RANBP2: variants seen among roughly 807,000 people sequenced by gnomAD.
RANBP2 encodes E3 SUMO-protein ligase RanBP2.
Under a neutral mutation model 303.6 loss-of-function variants are expected in RANBP2, and 57 were observed. The ratio of observed to expected loss-of-function variants is 0.19; its 90% CI spans 0.15 to 0.23. The LOEUF is 0.23. Ranked by LOEUF, RANBP2 falls within the 10% of genes least tolerant of loss-of-function variation. The probability of loss-of-function intolerance (pLI) is 1.00; values close to 1 mark genes in which losing one functional copy is unlikely to be tolerated. For missense variants in RANBP2, 3,138 were observed against 3,780.8 expected, an observed-to-expected ratio of 0.83 and a Z score of 4.46; for synonymous variants, 1,167 against 1,301.5, an observed-to-expected ratio of 0.90 and a Z score of 2.23.
the RANBP2 span, among the ~76,000 whole-genome samples, chr2:109,352,576 A>C: frequency 3.3e-5 from 5 of 152,188 alleles, no homozygotes; most frequent in Admixed American, 2.6e-4. Flanking sequence ...TTTTTGTATC[A>C]TGAGATAAGC....
chr2:108,936,138 C>T, the RANBP2 span, among the ~76,000 whole-genome samples: 13 of 152,350 alleles, frequency 8.5e-5, no homozygotes, highest in South Asian at 2.1e-4. Context: ...TTGACTGTGA[C>T]GGTGCTACCT....
chr2:109,205,383 G>A, the RANBP2 span, among the ~76,000 whole-genome samples: 1 of 151,798 alleles, frequency 6.6e-6, no homozygotes, highest in African/African-American at 2.4e-5. Flanking sequence ...CTACAGGCAT[G>A]CATCACCATG....
the RANBP2 span, among the ~76,000 whole-genome samples, chr2:109,312,842 A>G: frequency 2.6e-5 from 4 of 152,294 alleles, no homozygotes; most frequent in South Asian, 8.3e-4. Context: ...TTTGGGTACA[A>G]ACATTTGCTT....
At position 108,754,022 on chromosome 2, in the gene RANBP2, A is replaced by C. The variant is rs565446785; in HGVS notation, c.2202+51A>C. ...GTTCTTACTGATAACCCACTGGTCA[A>C]TGTTTTTGCGTTGGTCTTATATTTT... On this transcript the variant is annotated intron_variant, in intron 15 of 28. Coordinates refer to ENST00000283195, the MANE Select transcript of RANBP2 (RefSeq NM_006267.5). 13 of 1,607,514 alleles carry C rather than the reference A, an allele frequency of 8.1e-6. No individual in the cohort carries two copies. The South Asian group carries it at 1.2e-4, about 15-fold the overall frequency.
chr2:109,733,180 G>GA, the RANBP2 span: 43,347 of 289,132 alleles, frequency 0.15, 3,071 homozygotes, highest in East Asian at 0.18. Context: ...TAGGTCAAAT[G>GA]AAAAAAAAAA....
chr2:109,213,070 G>A, the RANBP2 span, among the ~76,000 whole-genome samples: 33 of 152,314 alleles, frequency 2.2e-4, no homozygotes, highest in African/African-American at 4.6e-4. Context: ...GGGAAGGCTC[G>A]GAGGAATCTG....
At chr2:109,638,308 A>T in the RANBP2 span, among the ~76,000 whole-genome samples, 4 of 152,228 alleles carry the variant, frequency 2.6e-5, no homozygotes, top group Non-Finnish European at 5.9e-5. Context: ...GGCTCATTTA[A>T]AGAAAGGGGT....
chr2:109,275,813 C>T, the RANBP2 span, among the ~76,000 whole-genome samples: 2 of 152,158 alleles, frequency 1.3e-5, no homozygotes, highest in Admixed American at 6.5e-5. Context: ...GGATCTGAAG[C>T]GTTCGCGGGG....
At chr2:109,574,513 G>T in the RANBP2 span, 84 of 786,304 alleles carry the variant, frequency 1.1e-4, no homozygotes, top group Middle Eastern at 3.8e-4. Context: ...TATCCATATT[G>T]TAAAAATATT....
chr2:109,657,103 A>G, the RANBP2 span, among the ~76,000 whole-genome samples: 9 of 152,190 alleles, frequency 5.9e-5, no homozygotes, highest in African/African-American at 2.2e-4. Context: ...AATTTCATGA[A>G]TGGCCCAACC....
intron 25 of RANBP2, among the ~76,000 whole-genome samples, chr2:108,780,359 ATT>A (rs869269194): frequency 4.4e-4 from 49 of 111,706 alleles, no homozygotes; most frequent in African/African-American, 5.0e-4. Flanking sequence ...CGCCCGGCTA[ATT>A]TTTTTTTTTT....
At chr2:109,065,066 A>G in the RANBP2 span, among the ~76,000 whole-genome samples, 1 of 152,222 alleles carries the variant, frequency 6.6e-6, no homozygotes. Flanking sequence ...ACTTAGGTTC[A>G]GGAGTCCTGG....
At chr2:109,238,394 T>G in the RANBP2 span, among the ~76,000 whole-genome samples, 85 of 152,144 alleles carry the variant, frequency 5.6e-4, no homozygotes, top group African/African-American at 1.9e-3. Context: ...TGTGGGTGCT[T>G]TAAAAAATTT....
the RANBP2 span, among the ~76,000 whole-genome samples, chr2:108,958,635 G>A: frequency 6.6e-6 from 1 of 152,352 alleles, no homozygotes; most frequent in Non-Finnish European, 1.5e-5. Context: ...AGCAATGGCA[G>A]AGCCAGGAGT....
chr2:108,782,028 C>CA, intron 26 of RANBP2, 100 bp from the exon 27 acceptor site: 2 of 1,340,146 alleles, frequency 1.5e-6, no homozygotes, highest in Non-Finnish European at 2.1e-6. Flanking sequence ...TTCTCTTTGT[C>CA]ATCACAAAGA....
chr2:109,116,332 T>C, the RANBP2 span, among the ~76,000 whole-genome samples: 1 of 152,186 alleles, frequency 6.6e-6, no homozygotes, highest in African/African-American at 2.4e-5. Context: ...GTTCGTTTCT[T>C]TTTATTCTTT....
the RANBP2 span, among the ~76,000 whole-genome samples, chr2:108,821,086 G>A: frequency 1.2e-3 from 182 of 152,266 alleles, no homozygotes; most frequent in African/African-American, 4.3e-3. Flanking sequence ...GGCCGGGTGC[G>A]GTGGCTCACG....
chr2:109,217,387 C>A, the RANBP2 span, among the ~76,000 whole-genome samples: 3 of 152,218 alleles, frequency 2.0e-5, no homozygotes, highest in Admixed American at 6.5e-5. Flanking sequence ...GTCAAATTCC[C>A]ATCTGAACAT....
the RANBP2 span, among the ~76,000 whole-genome samples, chr2:109,417,905 T>C: frequency 6.6e-6 from 1 of 152,056 alleles, no homozygotes; most frequent in African/African-American, 2.4e-5. Context: ...CAGTGAGTAA[T>C]GAGAAAGCTA....
Sources: allele counts gnomAD v4.1 joint callset (sites outside exome capture counted in the v4.1 genomes callset), GRCh38; gene constraint gnomAD v4.1.1; transcripts MANE v1.5; gene names NCBI Gene and HGNC (gene_info 2026-07-23, HGNC 2026-07-21).